FRMD5: variants seen among roughly 807,000 people sequenced by gnomAD.
The protein encoded by FRMD5 is FERM domain-containing protein 5.
FRMD5 carries 20 observed loss-of-function variants against 69.0 expected under a neutral mutation model. The observed-to-expected ratio is 0.29, with a 90% CI of 0.20 to 0.42. FRMD5 has a LOEUF of 0.42. Among genes scored for constraint, FRMD5 ranks in the 10% least tolerant of loss-of-function variants. The pLI, the probability that FRMD5 is intolerant of heterozygous loss-of-function variation, is 1.00. For missense variants in FRMD5, 595 were observed against 708.6 expected (o/e 0.84, Z 1.82); for synonymous variants, 271 against 260.1 (o/e 1.04, Z -0.40).
intron 1 of FRMD5, among the ~76,000 whole-genome samples, chr15:44,117,453 G>T (rs182576015): frequency 5.4e-4 from 82 of 152,208 alleles, no homozygotes; most frequent in African/African-American, 1.9e-3. Flanking sequence ...AAGATGAAAG[G>T]GAAAAAAATC....
chr15:44,148,303 G>A (rs947430146), intron 1 of FRMD5, among the ~76,000 whole-genome samples: 19 of 150,770 alleles, frequency 1.3e-4, no homozygotes, highest in Admixed American at 3.3e-4. Context: ...ACGGAGTCTC[G>A]CTCTGTCCCC....
At chr15:43,972,839 C>T (rs1746643105) in intron 1 of FRMD5, among the ~76,000 whole-genome samples, 1 of 152,216 alleles carries the variant, frequency 6.6e-6, no homozygotes. Context: ...CTGACCCTAG[C>T]TCTGCTTTCC....
At chr15:44,074,517 T>C (rs1893676761) in intron 1 of FRMD5, among the ~76,000 whole-genome samples, 1 of 152,120 alleles carries the variant, frequency 6.6e-6, no homozygotes, top group Admixed American at 6.5e-5. Context: ...TGTTTTTTTT[T>C]TCTTGAGACA....
chr15:44,033,784 G>T (rs1891789534), intron 1 of FRMD5, among the ~76,000 whole-genome samples: 1 of 152,148 alleles, frequency 6.6e-6, no homozygotes, highest in African/African-American at 2.4e-5. Flanking sequence ...GTGAGTTGGG[G>T]TAAGTTGTTT....
intron 1 of FRMD5, among the ~76,000 whole-genome samples, chr15:44,019,836 T>C (rs1891137600): frequency 6.7e-6 from 1 of 149,712 alleles, no homozygotes; most frequent in Non-Finnish European, 1.5e-5. Context: ...CGGTGTCTAA[T>C]ACCAAACATT....
chr15:43,966,216 CA>C (rs1166030970), intron 1 of FRMD5, among the ~76,000 whole-genome samples: 2 of 151,656 alleles, frequency 1.3e-5, no homozygotes, highest in African/African-American at 2.4e-5. Context: ...AATAAAAATA[CA>C]AAAGTTAGCC....
chr15:43,984,453 G>A (rs530909421), intron 1 of FRMD5, among the ~76,000 whole-genome samples: 26 of 152,286 alleles, frequency 1.7e-4, no homozygotes, highest in African/African-American at 5.5e-4. Flanking sequence ...GTAAGCACTG[G>A]AGCAGGACTG....
chr15:44,093,174 C>G (rs1192775126), intron 1 of FRMD5, among the ~76,000 whole-genome samples: 1 of 152,042 alleles, frequency 6.6e-6, no homozygotes, highest in Admixed American at 6.6e-5. Context: ...TCGTGATCCA[C>G]CCACCTCAAC....
chr15:44,138,542 C>A (rs1307162364), intron 1 of FRMD5, among the ~76,000 whole-genome samples: 1 of 152,118 alleles, frequency 6.6e-6, no homozygotes, highest in South Asian at 2.1e-4. Context: ...GGATTCCATG[C>A]CCAGCTAAGC....
At chr15:43,947,115 A>T (rs1774184217) in intron 1 of FRMD5, among the ~76,000 whole-genome samples, 1 of 152,222 alleles carries the variant, frequency 6.6e-6, no homozygotes, top group South Asian at 2.1e-4. Context: ...AATTTAATGA[A>T]TACTAGTGCT....
Position 44,046,931 on chromosome 15 carries a change from AT to A in FRMD5, c.103-122623del, listed in dbSNP as rs144917420. 8.0e-3 allele frequency among the ~76,000 whole-genome samples: 1,215 copies of A among 152,314 alleles called. 8 individuals are homozygous for A. Among genetic ancestry groups the A allele is most frequent in the Non-Finnish European group, 0.013 (887 of 68,022 alleles). On this transcript the variant is annotated intron_variant, in intron 1 of 13. Transcript: ENST00000417257. ...CCATTCTTAGAAGATATTAATTCAG[AT>A]TTTGCTATAGAGGTCTAGCATGCCA...
intron 1 of FRMD5, among the ~76,000 whole-genome samples, chr15:44,077,665 C>T (rs1395038915): frequency 6.6e-6 from 1 of 151,980 alleles, no homozygotes; most frequent in African/African-American, 2.4e-5. Flanking sequence ...AGCACCTTTC[C>T]TTCAAACAGA....
intron 1 of FRMD5, among the ~76,000 whole-genome samples, chr15:44,156,513 T>C (rs2077530759): frequency 1.3e-5 from 2 of 152,188 alleles, no homozygotes; most frequent in South Asian, 4.1e-4. Flanking sequence ...AAGTTGAGGA[T>C]TTTTTAGTAG....
At chr15:44,050,241 A>G (rs1451580892) in intron 1 of FRMD5, among the ~76,000 whole-genome samples, 1 of 152,240 alleles carries the variant, frequency 6.6e-6, no homozygotes, top group Non-Finnish European at 1.5e-5. Context: ...GTGCAAAAAA[A>G]GAGAGTGGTT....
intron 8 of FRMD5, among the ~76,000 whole-genome samples, chr15:43,891,100 G>A (rs1595487029): frequency 6.6e-6 from 1 of 152,188 alleles, no homozygotes; most frequent in South Asian, 2.1e-4. Flanking sequence ...CTTAGACTTG[G>A]CAGTCTGAGG....
At chr15:44,183,268 T>A (rs998147918) in intron 1 of FRMD5, among the ~76,000 whole-genome samples, 1 of 151,872 alleles carries the variant, frequency 6.6e-6, no homozygotes, top group African/African-American at 2.4e-5. Context: ...AGCAGAGAGA[T>A]TATGGAGGGC....
At chr15:43,888,329 G>A (rs974647589) in intron 9 of FRMD5, 63 bp from the exon 10 acceptor site, 7 of 1,169,960 alleles carry the variant, frequency 6.0e-6, no homozygotes, top group East Asian at 4.8e-5. Context: ...TGAAGTAGGC[G>A]AGGACCCTGA....
At chr15:43,966,962 G>C (rs2090304151) in intron 1 of FRMD5, among the ~76,000 whole-genome samples, 1 of 152,062 alleles carries the variant, frequency 6.6e-6, no homozygotes, top group Non-Finnish European at 1.5e-5. Context: ...CCCAGAAACA[G>C]AGAAACAGAA....
intron 1 of FRMD5, among the ~76,000 whole-genome samples, chr15:44,128,435 C>A (rs916231963): frequency 1.3e-5 from 2 of 152,184 alleles, no homozygotes; most frequent in African/African-American, 4.8e-5. Flanking sequence ...CGAGATCATG[C>A]CATTGCACTC....
Sources: allele counts gnomAD v4.1 joint callset (sites outside exome capture counted in the v4.1 genomes callset), GRCh38; gene constraint gnomAD v4.1.1; transcripts MANE v1.5; gene names NCBI Gene and HGNC (gene_info 2026-07-23, HGNC 2026-07-21).